Variants in IGSF11 observed in about 807,000 individuals in gnomAD.
IGSF11 encodes immunoglobulin superfamily member 11, also known as CXADR like 1.
A neutral mutation model predicts 41.0 loss-of-function variants in IGSF11; 22 were observed. The ratio of observed to expected loss-of-function variants is 0.54; its 90% CI spans 0.38 to 0.77. The LOEUF is 0.77. Ranked by LOEUF, IGSF11 falls within the 30% of genes least tolerant of loss-of-function variation. The pLI, the probability that IGSF11 is intolerant of heterozygous loss-of-function variation, is 0.00. For missense variants in IGSF11, 444 were observed against 530.8 expected (o/e 0.84, Z 1.61); for synonymous variants, 219 against 201.3 (o/e 1.09, Z -0.74).
intron 1 of IGSF11, among the ~76,000 whole-genome samples, chr3:118,965,552 A>G (rs1331835580): frequency 6.6e-6 from 1 of 151,942 alleles, no homozygotes; most frequent in African/African-American, 2.4e-5. Context: ...AAAAGTCATT[A>G]AAATTCTTGA....
intron 1 of IGSF11, among the ~76,000 whole-genome samples, chr3:119,059,655 A>ATT (rs529073221): frequency 6.7e-6 from 1 of 148,388 alleles, no homozygotes; most frequent in South Asian, 2.1e-4. Flanking sequence ...GACACTGGTG[A>ATT]TTTTTTTTTT....
At chr3:118,986,731 T>G (rs944736339) in intron 1 of IGSF11, among the ~76,000 whole-genome samples, 4 of 152,194 alleles carry the variant, frequency 2.6e-5, no homozygotes. Flanking sequence ...GATGGGTTCA[T>G]ATTGAAATAT....
At chr3:118,997,577 CA>C (rs1035246045) in intron 1 of IGSF11, among the ~76,000 whole-genome samples, 11 of 147,902 alleles carry the variant, frequency 7.4e-5, no homozygotes, top group Non-Finnish European at 1.6e-4. Flanking sequence ...ATGTCCTCAC[CA>C]ATTTCCAAAT....
At chr3:119,108,779 T>A (rs1050485234), upstream of IGSF11, among the ~76,000 whole-genome samples, 1 of 145,674 alleles carries the variant, frequency 6.9e-6, no homozygotes, top group Non-Finnish European at 1.5e-5. Flanking sequence ...ACCTAATTTA[T>A]TGAGAGTTTT....
intron 1 of IGSF11, among the ~76,000 whole-genome samples, chr3:118,932,974 C>A (rs914560767): frequency 3.2e-4 from 49 of 152,210 alleles, no homozygotes; most frequent in African/African-American, 1.1e-3. Context: ...AGAAAGCAAC[C>A]GCAACAGGGT....
At chr3:119,091,134 A>G (rs1380068068) in intron 1 of IGSF11, among the ~76,000 whole-genome samples, 2 of 152,180 alleles carry the variant, frequency 1.3e-5, no homozygotes, top group African/African-American at 4.8e-5. Flanking sequence ...CAGAGAAATG[A>G]CAATCAAAAC....
Position 118,950,800 on chromosome 3 carries a change from C to T in IGSF11, c.53-20525G>A, listed in dbSNP as rs373560122. Among the ~76,000 whole-genome samples, 6 of 152,166 alleles carry T rather than the reference C, an allele frequency of 3.9e-5. No individual in the cohort carries two copies. The East Asian group carries it at 5.8e-4, about 15-fold the overall frequency. On this transcript the variant is annotated intron_variant, in intron 1 of 6. Coordinates refer to ENST00000393775, the MANE Select transcript of IGSF11 (RefSeq NM_001015887.3). ...TTTTCTCCTCAACCTGGACAATCAA[C>T]TAATGCCAGAGGCCTACAGTCACCA...
chr3:119,137,957 G>C (rs112641751), intron 1 of IGSF11, among the ~76,000 whole-genome samples: 1 of 148,352 alleles, frequency 6.7e-6, no homozygotes, highest in East Asian at 2.1e-4. Context: ...ATATGAAAAA[G>C]TGCACAACAT....
intron 1 of IGSF11, among the ~76,000 whole-genome samples, chr3:118,976,668 C>T (rs1223940989): frequency 6.6e-6 from 1 of 152,208 alleles, no homozygotes; most frequent in East Asian, 1.9e-4. Context: ...TGGAAATAGG[C>T]AACCCTTCTT....
At chr3:118,947,891 G>C (rs990208084) in intron 1 of IGSF11, 5 of 152,148 alleles carry the variant, frequency 3.3e-5, no homozygotes, top group Non-Finnish European at 7.3e-5. Context: ...ACTTTTGTTG[G>C]TAAGGTTTAT....
intron 1 of IGSF11, among the ~76,000 whole-genome samples, chr3:118,990,567 T>A (rs560947286): frequency 1.3e-5 from 2 of 152,320 alleles, no homozygotes; most frequent in African/African-American, 4.8e-5. Flanking sequence ...GTTTTAATAA[T>A]CTTACATAGA....
chr3:119,062,565 A>C (rs1426999308), intron 1 of IGSF11, among the ~76,000 whole-genome samples: 1 of 152,214 alleles, frequency 6.6e-6, no homozygotes, highest in East Asian at 1.9e-4. Context: ...AGGTTCTAAA[A>C]TGATTGGGGT....
chr3:118,933,782 T>C (rs1576410352), intron 1 of IGSF11, among the ~76,000 whole-genome samples: 1 of 152,142 alleles, frequency 6.6e-6, no homozygotes, highest in Non-Finnish European at 1.5e-5. Flanking sequence ...AAAACTAGAA[T>C]GGACTTTTAC....
At chr3:119,089,839 A>G (rs1189387225) in intron 1 of IGSF11, among the ~76,000 whole-genome samples, 2 of 152,220 alleles carry the variant, frequency 1.3e-5, no homozygotes, top group East Asian at 1.9e-4. Flanking sequence ...AGCCCGGCCA[A>G]CATGGCAAAA....
intron 1 of IGSF11, among the ~76,000 whole-genome samples, chr3:118,974,188 T>C (rs1205102217): frequency 6.6e-6 from 1 of 152,172 alleles, no homozygotes; most frequent in Non-Finnish European, 1.5e-5. Context: ...TTGGTCTCTC[T>C]TCAGGTGACC....
At chr3:119,083,479 A>C (rs1467612183) in intron 1 of IGSF11, among the ~76,000 whole-genome samples, 1 of 150,842 alleles carries the variant, frequency 6.6e-6, no homozygotes, top group African/African-American at 2.4e-5. Context: ...ATTGATCTAT[A>C]GAACAAACAC....
intron 1 of IGSF11, among the ~76,000 whole-genome samples, chr3:119,085,049 G>C (rs546267936): frequency 6.0e-4 from 91 of 152,330 alleles, no homozygotes; most frequent in African/African-American, 1.9e-3. Context: ...TCTGGAGGGA[G>C]CCTCAACGCC....
intron 1 of IGSF11, among the ~76,000 whole-genome samples, chr3:119,110,383 G>GTC (rs1250548581): frequency 2.0e-5 from 3 of 152,102 alleles, no homozygotes; most frequent in Non-Finnish European, 2.9e-5. Flanking sequence ...TTGGTTTAAA[G>GTC]TCTGTTTTAT....
At chr3:119,143,548 T>C (rs573855255) in intron 1 of IGSF11, among the ~76,000 whole-genome samples, 1 of 152,202 alleles carries the variant, frequency 6.6e-6, no homozygotes, top group South Asian at 2.1e-4. Flanking sequence ...AGGATGGTAG[T>C]AATGGAAGAA....
Sources: gnomAD v4.1 joint callset for allele counts (sites outside exome capture counted in the v4.1 genomes callset) on GRCh38, gnomAD v4.1.1 for gene constraint, MANE v1.5 for transcripts, NCBI Gene and HGNC (gene_info 2026-07-23, HGNC 2026-07-21) for gene names.